Variants in CTNNA2 observed in about 807,000 individuals in gnomAD.
CTNNA2 encodes the protein catenin alpha-2.
A neutral mutation model predicts 101.0 loss-of-function variants in CTNNA2; 42 were observed. That is an observed-to-expected ratio of 0.42 (90% confidence interval 0.32 to 0.54). CTNNA2 has a LOEUF of 0.54. CTNNA2 is among the 20% of genes least tolerant of loss of function. The pLI is 0.14. For missense variants in CTNNA2, 871 were observed against 1,223.1 expected (o/e 0.71, Z 4.29); for synonymous variants, 450 against 456.4 (o/e 0.99, Z 0.18).
intron 4 of CTNNA2, among the ~76,000 whole-genome samples, chr2:79,421,391 GA>G (rs1258419501): frequency 2.0e-5 from 3 of 151,978 alleles, no homozygotes; most frequent in African/African-American, 4.8e-5. Flanking sequence ...TAGGCTGTAA[GA>G]AAAAAAATTA....
chr2:80,386,304 C>T (rs1005631286), intron 7 of CTNNA2, among the ~76,000 whole-genome samples: 2 of 152,076 alleles, frequency 1.3e-5, no homozygotes, highest in African/African-American at 4.8e-5. Context: ...TGCTTTGTGG[C>T]CACTGTTCAA....
intron 7 of CTNNA2, among the ~76,000 whole-genome samples, chr2:80,213,071 A>G (rs1330956937): frequency 6.6e-6 from 1 of 151,740 alleles, no homozygotes; most frequent in East Asian, 1.9e-4. Flanking sequence ...CCCCTTTATC[A>G]TTTTTTATTG....
intron 7 of CTNNA2, among the ~76,000 whole-genome samples, chr2:80,220,984 C>A (rs969273760): frequency 2.0e-5 from 3 of 152,090 alleles, no homozygotes; most frequent in African/African-American, 4.8e-5. Context: ...TGAGTTCAAG[C>A]GATTCTCCTG....
intron 7 of CTNNA2, among the ~76,000 whole-genome samples, chr2:80,349,787 TG>T (rs1673114909): frequency 6.6e-6 from 1 of 152,154 alleles, no homozygotes; most frequent in African/African-American, 2.4e-5. Flanking sequence ...CCGGAGTTGC[TG>T]GCATTCAGGC....
chr2:80,522,085 G>A (rs1055288550), intron 9 of CTNNA2, among the ~76,000 whole-genome samples: 1 of 152,140 alleles, frequency 6.6e-6, no homozygotes, highest in Non-Finnish European at 1.5e-5. Flanking sequence ...TCCCCACAAG[G>A]CCAACCTGGA....
intron 7 of CTNNA2, among the ~76,000 whole-genome samples, chr2:80,389,336 A>G (rs1476840154): frequency 1.3e-5 from 2 of 152,160 alleles, no homozygotes; most frequent in Non-Finnish European, 2.9e-5. Context: ...TTTAAAAAAA[A>G]ATGGGGTAAA....
intron 7 of CTNNA2, among the ~76,000 whole-genome samples, chr2:80,237,900 T>TGG (rs1558931011): frequency 6.6e-6 from 1 of 152,080 alleles, no homozygotes; most frequent in Non-Finnish European, 1.5e-5. Context: ...GACCCTCTCC[T>TGG]AAGGTGCTCA....
At chr2:80,075,620 A>AT (rs564646511) in intron 7 of CTNNA2, among the ~76,000 whole-genome samples, 2,345 of 106,362 alleles carry the variant, frequency 0.022, 127 homozygotes, top group East Asian at 0.074. Context: ...ATGTATAAAT[A>AT]TAAATATTTA....
intron 7 of CTNNA2, among the ~76,000 whole-genome samples, chr2:80,355,687 C>G (rs1219319988): frequency 1.3e-5 from 2 of 152,162 alleles, no homozygotes; most frequent in Non-Finnish European, 2.9e-5. Flanking sequence ...CATTTCTCAT[C>G]AGCAAAGATG....
intron 7 of CTNNA2, among the ~76,000 whole-genome samples, chr2:80,036,940 G>A (rs1441280440): frequency 6.6e-6 from 1 of 151,958 alleles, no homozygotes; most frequent in Non-Finnish European, 1.5e-5. Flanking sequence ...TATGAAGGTG[G>A]GAAGAGCGGA....
intron 9 of CTNNA2, among the ~76,000 whole-genome samples, chr2:80,499,005 AAC>A (rs1687671254): frequency 1.3e-5 from 2 of 152,214 alleles, no homozygotes; most frequent in Admixed American, 1.3e-4. Flanking sequence ...AGCAGTAAGT[AAC>A]GTGATTTCTC....
At chr2:79,387,724 C>CCAAAGA (rs57528929) in intron 4 of CTNNA2, among the ~76,000 whole-genome samples, 1 of 151,998 alleles carries the variant, frequency 6.6e-6, no homozygotes, top group African/African-American at 2.4e-5. Flanking sequence ...CAAAACCTGG[C>CCAAAGA]GGCAGAGCTC....
chr2:80,377,773 A>G (rs1313300088), intron 7 of CTNNA2, among the ~76,000 whole-genome samples: 2 of 152,178 alleles, frequency 1.3e-5, no homozygotes, highest in Admixed American at 6.5e-5. Context: ...ATGGCGACAC[A>G]TGGCCGGATA....
chr2:79,948,460 C>T (rs994587596), intron 7 of CTNNA2, among the ~76,000 whole-genome samples: 1 of 152,198 alleles, frequency 6.6e-6, no homozygotes, highest in African/African-American at 2.4e-5. Flanking sequence ...ATAGTACCTA[C>T]CTCGTAGTTG....
intron 3 of CTNNA2, among the ~76,000 whole-genome samples, chr2:79,824,185 C>A (rs1022272792): frequency 3.9e-5 from 6 of 152,124 alleles, no homozygotes; most frequent in Admixed American, 1.3e-4. Flanking sequence ...CCCTGGAGTC[C>A]AGTTTTGATG....
chr2:79,750,452 T>C (rs1393302347), intron 3 of CTNNA2, among the ~76,000 whole-genome samples: 2 of 152,234 alleles, frequency 1.3e-5, no homozygotes, highest in African/African-American at 2.4e-5. Context: ...CTTTCTTGCT[T>C]ATCAGCCCTG....
chr2:79,722,695 A>G (rs531466700), intron 2 of CTNNA2, among the ~76,000 whole-genome samples: 114 of 152,196 alleles, frequency 7.5e-4, no homozygotes, highest in African/African-American at 2.6e-3. Flanking sequence ...TGCCCCCACC[A>G]CTAGACGGAA....
chr2:80,545,105 T>C (rs754033427), intron 10 of CTNNA2, 31 bp downstream of exon 10: 1 of 1,606,542 alleles, frequency 6.2e-7, no homozygotes, highest in Non-Finnish European at 8.5e-7. Context: ...TTCAAAAGCC[T>C]GTCAGTGACC....
At chr2:80,124,338 G>A (rs961422653) in intron 7 of CTNNA2, among the ~76,000 whole-genome samples, 4 of 152,068 alleles carry the variant, frequency 2.6e-5, no homozygotes, top group African/African-American at 9.7e-5. Flanking sequence ...ACTGGATTAA[G>A]TGCTTACACA....
Sources: gnomAD v4.1 joint callset for allele counts (sites outside exome capture counted in the v4.1 genomes callset) on GRCh38, gnomAD v4.1.1 for gene constraint, MANE v1.5 for transcripts, NCBI Gene and HGNC (gene_info 2026-07-23, HGNC 2026-07-21) for gene names.